The following TLL1 variants were observed in gnomAD, a reference collection of about 807,000 sequenced individuals.
TLL1 encodes the protein tolloid-like protein 1.
A neutral mutation model predicts 128.2 loss-of-function variants in TLL1; 49 were observed. The observed-to-expected ratio is 0.38, with a 90% confidence interval of 0.30 to 0.48. TLL1 has a LOEUF of 0.48. TLL1 is among the 20% of genes least tolerant of loss of function. The probability of loss-of-function intolerance (pLI) is 0.96; values close to 1 mark genes in which losing one functional copy is unlikely to be tolerated. For missense variants in TLL1, 1,123 were observed against 1,242.0 expected, an observed-to-expected ratio of 0.90 and a Z score of 1.44; for synonymous variants, 454 against 418.8, an observed-to-expected ratio of 1.08 and a Z score of -1.03.
chr4:166,017,649 A>G (rs1490313848), intron 8 of TLL1, among the ~76,000 whole-genome samples: 1 of 151,932 alleles, frequency 6.6e-6, no homozygotes, highest in African/African-American at 2.4e-5. Context: ...ATGAGCTGGA[A>G]TTTTAAATGT....
intron 1 of TLL1, among the ~76,000 whole-genome samples, chr4:165,969,285 A>G (rs1044127427): frequency 6.6e-6 from 1 of 151,958 alleles, no homozygotes; most frequent in African/African-American, 2.4e-5. Flanking sequence ...CATTCATTTT[A>G]TGTTTGTATT....
intron 12 of TLL1, among the ~76,000 whole-genome samples, chr4:166,047,276 T>A (rs945112925): frequency 6.6e-6 from 1 of 151,658 alleles, no homozygotes; most frequent in African/African-American, 2.4e-5. Flanking sequence ...GCGATTCTCC[T>A]GCCTCAGCCT....
chr4:166,069,522 A>G (rs1198313988), intron 16 of TLL1, among the ~76,000 whole-genome samples: 1 of 151,732 alleles, frequency 6.6e-6, no homozygotes, highest in Non-Finnish European at 1.5e-5. Context: ...GTGATACATC[A>G]GGAAAAAGAC....
At position 165,873,989 on chromosome 4, in the gene TLL1, G is replaced by A. The variant is rs1335741204; in HGVS notation, c.85G>A (p.Ala29Thr). The change falls in exon 1 of 21, where the codon GCT becomes ACT. Residue 29 changes from alanine to threonine, a missense_variant. This residue lies in a region of TLL1 where 480 missense variants were observed against 542.4 expected (regional missense o/e 0.89). Coordinates refer to ENST00000061240, the MANE Select transcript of TLL1 (RefSeq NM_012464.5). ...TTTCTACGGGGAGCTATGGGTCTGC[G>A]CTGGCCTCGATTATGATTACACTTT... Reference protein sequence around the residue: ...IVFYGELWVCAGLDYDYTFDG... With the variant: ...IVFYGELWVCTGLDYDYTFDG... The A allele has an allele frequency of 3.7e-6, 6 of 1,614,164 alleles. No individual in the cohort carries two copies. Among genetic ancestry groups the A allele is most frequent in the Admixed American group, 3.3e-5 (2 of 60,022 alleles).
intron 1 of TLL1, among the ~76,000 whole-genome samples, chr4:165,931,509 G>A (rs1349870924): frequency 3.4e-5 from 5 of 148,172 alleles, no homozygotes; most frequent in Non-Finnish European, 7.4e-5. Context: ...ACGAGGTCAG[G>A]AGATTGAGAC....
intron 1 of TLL1, among the ~76,000 whole-genome samples, chr4:165,964,177 T>C (rs1735258240): frequency 6.6e-6 from 1 of 152,174 alleles, no homozygotes; most frequent in Admixed American, 6.5e-5. Context: ...TCAGACTGTC[T>C]GGGTTTGAAT....
chr4:165,945,639 T>C (rs753148915), intron 1 of TLL1, among the ~76,000 whole-genome samples: 1 of 152,102 alleles, frequency 6.6e-6, no homozygotes. Context: ...AAAAAGATTA[T>C]ATAAAGAACT....
At chr4:166,094,069 CTCTT>C (rs1409749932) in intron 19 of TLL1, among the ~76,000 whole-genome samples, 1 of 152,100 alleles carries the variant, frequency 6.6e-6, no homozygotes, top group South Asian at 2.1e-4. Flanking sequence ...AGTCTGATCT[CTCTT>C]TCTTTTCCCT....
intron 6 of TLL1, among the ~76,000 whole-genome samples, chr4:166,003,964 C>T (rs377566155): frequency 3.9e-5 from 6 of 151,960 alleles, no homozygotes; most frequent in Non-Finnish European, 5.9e-5. Flanking sequence ...TGCCATAACA[C>T]GTGCTGCTAC....
chr4:166,045,913 T>C (rs185162069), intron 12 of TLL1, among the ~76,000 whole-genome samples: 2 of 152,294 alleles, frequency 1.3e-5, no homozygotes, highest in Admixed American at 1.3e-4. Flanking sequence ...AAATACTTTC[T>C]TACCTACAAT....
chr4:165,977,006 C>T (rs1297732130), intron 1 of TLL1, among the ~76,000 whole-genome samples: 2 of 151,996 alleles, frequency 1.3e-5, no homozygotes, highest in African/African-American at 4.8e-5. Flanking sequence ...CCCAGGGAAG[C>T]CAAAAGATTG....
chr4:166,023,450 A>C (rs1042644341), intron 8 of TLL1, among the ~76,000 whole-genome samples: 5 of 152,208 alleles, frequency 3.3e-5, no homozygotes, highest in Non-Finnish European at 7.3e-5. Context: ...CTTGCTGTCA[A>C]TGAACAGTCT....
intron 2 of TLL1, among the ~76,000 whole-genome samples, chr4:165,991,829 T>C (rs992923884): frequency 3.9e-5 from 6 of 152,062 alleles, no homozygotes; most frequent in African/African-American, 1.4e-4. Context: ...GAACCATAGA[T>C]ACTCCATGTT....
chr4:166,082,724 C>G (rs1741342339), intron 18 of TLL1, among the ~76,000 whole-genome samples: 2 of 152,084 alleles, frequency 1.3e-5, no homozygotes, highest in African/African-American at 4.8e-5. Flanking sequence ...GTCACCCAGG[C>G]TGGAGAGCAA....
intron 17 of TLL1, among the ~76,000 whole-genome samples, chr4:166,076,887 A>G (rs757913050): frequency 1.3e-5 from 2 of 152,188 alleles, no homozygotes; most frequent in African/African-American, 4.8e-5. Context: ...AAGGTCTAGT[A>G]TTAATGATTG....
chr4:165,906,031 C>G (rs1344581829), intron 1 of TLL1, among the ~76,000 whole-genome samples: 2 of 152,004 alleles, frequency 1.3e-5, no homozygotes, highest in East Asian at 3.9e-4. Flanking sequence ...CAGGAGTCAG[C>G]AAACTAAGGC....
intron 1 of TLL1, among the ~76,000 whole-genome samples, chr4:165,905,526 C>A (rs1732208195): frequency 6.6e-6 from 1 of 152,114 alleles, no homozygotes; most frequent in Admixed American, 6.6e-5. Flanking sequence ...GTACTAAATT[C>A]TTCCTGGTTA....
intron 16 of TLL1, 52 bp from the exon 17 acceptor site, chr4:166,074,826 T>G: frequency 1.2e-6 from 2 of 1,606,518 alleles, no homozygotes; most frequent in Non-Finnish European, 1.7e-6. Context: ...CCCTTTGATA[T>G]CCTCTGTTTT....
At chr4:165,979,573 G>A (rs896246371) in intron 1 of TLL1, among the ~76,000 whole-genome samples, 1 of 152,052 alleles carries the variant, frequency 6.6e-6, no homozygotes, top group Non-Finnish European at 1.5e-5. Context: ...ATGGGGTCAT[G>A]GTAATTAGAA....
Sources: allele counts gnomAD v4.1 joint callset (sites outside exome capture counted in the v4.1 genomes callset), GRCh38; gene constraint gnomAD v4.1.1; regional missense constraint gnomAD v4.1.1; transcripts MANE v1.5; gene names NCBI Gene and HGNC (gene_info 2026-07-23, HGNC 2026-07-21).